GALNT17: variants seen among roughly 807,000 people sequenced by gnomAD.
The protein encoded by GALNT17 is UDP-GalNAc:polypeptide N-acetylgalactosaminyltransferase-like 3.
GALNT17 carries 29 observed loss-of-function variants against 63.7 expected under a neutral mutation model. The ratio of observed to expected loss-of-function variants is 0.46; its 90% CI spans 0.34 to 0.62. The LOEUF (loss-of-function observed/expected upper bound fraction) is 0.62, where lower values mean the gene tolerates loss of function less well. GALNT17 is among the 20% of genes least tolerant of loss of function. GALNT17 has a pLI of 0.01. For missense variants in GALNT17, 603 were observed against 799.6 expected (o/e 0.75, Z 2.97); for synonymous variants, 305 against 318.3 (o/e 0.96, Z 0.45).
intron 5 of GALNT17, among the ~76,000 whole-genome samples, chr7:71,446,674 G>A (rs1203513173): frequency 6.6e-6 from 1 of 152,124 alleles, no homozygotes; most frequent in African/African-American, 2.4e-5. Flanking sequence ...TCGACCTCCA[G>A]AGTAGCTGGG....
At chr7:71,540,227 C>G (rs1788867314) in intron 5 of GALNT17, among the ~76,000 whole-genome samples, 1 of 147,124 alleles carries the variant, frequency 6.8e-6, no homozygotes, top group Non-Finnish European at 1.5e-5. Flanking sequence ...AGTGACTCTC[C>G]CATCTCAGCC....
At chr7:71,442,349 A>G (rs1787083520) in intron 5 of GALNT17, among the ~76,000 whole-genome samples, 1 of 151,980 alleles carries the variant, frequency 6.6e-6, no homozygotes, top group Non-Finnish European at 1.5e-5. Context: ...GGCGCCCGCC[A>G]CCATGCCCGG....
At chr7:71,661,514 G>A (rs149096174) in intron 6 of GALNT17, among the ~76,000 whole-genome samples, 91 of 152,308 alleles carry the variant, frequency 6.0e-4, no homozygotes, top group Non-Finnish European at 9.8e-4. Context: ...AAGAGGTGCC[G>A]CTAATGACAG....
intron 5 of GALNT17, among the ~76,000 whole-genome samples, chr7:71,488,574 C>CGT (rs1787951654): frequency 9.9e-6 from 1 of 100,664 alleles, no homozygotes; most frequent in Non-Finnish European, 2.0e-5. Flanking sequence ...ACTTGCCCTT[C>CGT]TTTTTTTTTT....
intron 1 of GALNT17, among the ~76,000 whole-genome samples, chr7:71,266,185 C>T (rs779114742): frequency 4.3e-5 from 6 of 138,426 alleles, no homozygotes; most frequent in Middle Eastern, 3.7e-3. Context: ...TCAGGCCCAC[C>T]CAGATAAATC....
At chr7:71,650,591 A>T (rs1007615759) in intron 6 of GALNT17, among the ~76,000 whole-genome samples, 2 of 152,188 alleles carry the variant, frequency 1.3e-5, no homozygotes, top group Middle Eastern at 3.2e-3. Flanking sequence ...AGATCACTGT[A>T]TGCAGTCTGA....
chr7:71,514,470 G>A (rs1451507439), intron 5 of GALNT17, among the ~76,000 whole-genome samples: 1 of 151,994 alleles, frequency 6.6e-6, no homozygotes, highest in African/African-American at 2.4e-5. Context: ...TGAGATGTAG[G>A]CACTGAGTCC....
Position 71,592,545 on chromosome 7 carries a change from ATAGCATAGCATAGCATAC to A in GALNT17, c.1080+21146_1080+21163del, listed in dbSNP as rs1250881535. Among the ~76,000 whole-genome samples, 172 of 23,118 alleles carry A rather than the reference ATAGCATAGCATAGCATAC, an allele frequency of 7.4e-3. 2 individuals carry two copies. The Middle Eastern group carries it at 0.11, about 14-fold the overall frequency. 15.2% of individuals were successfully genotyped at this position (23,118 alleles called of 152,430 possible). A position where few individuals can be genotyped will look rare whatever the true frequency, so the allele number is the denominator to read the frequency against. ...ATAAAATAAAATAAAATAAAATAAA[ATAGCATAGCATAGCATAC>A]TAAAATAAAATAAAATAAAATAAAA... On this transcript the variant is annotated intron_variant, in intron 6 of 10. Transcript: ENST00000333538.
chr7:71,238,167 C>G (rs1025142555), intron 1 of GALNT17, among the ~76,000 whole-genome samples: 36 of 152,160 alleles, frequency 2.4e-4, no homozygotes, highest in African/African-American at 8.0e-4. Context: ...AGAGCAGCCA[C>G]ACTCTCTCTC....
At chr7:71,446,049 A>T (rs932565398) in intron 5 of GALNT17, among the ~76,000 whole-genome samples, 2 of 152,226 alleles carry the variant, frequency 1.3e-5, no homozygotes, top group Admixed American at 1.3e-4. Context: ...CTTAAATCTT[A>T]AATTATATGA....
At chr7:71,648,464 C>T (rs1327155032) in intron 6 of GALNT17, among the ~76,000 whole-genome samples, 1 of 152,008 alleles carries the variant, frequency 6.6e-6, no homozygotes, top group Non-Finnish European at 1.5e-5. Flanking sequence ...TTTGTAGAGA[C>T]GGGGTCTTGT....
At chr7:71,387,572 C>T (rs1792969165) in intron 2 of GALNT17, among the ~76,000 whole-genome samples, 1 of 152,108 alleles carries the variant, frequency 6.6e-6, no homozygotes, top group Non-Finnish European at 1.5e-5. Context: ...GCGACGCTCC[C>T]ACGTCGGCCT....
chr7:71,141,025 TAA>T (rs11302399), intron 1 of GALNT17, among the ~76,000 whole-genome samples: 4 of 150,308 alleles, frequency 2.7e-5, no homozygotes, highest in Non-Finnish European at 4.4e-5. Flanking sequence ...ACCCAAACTC[TAA>T]AAAAAAACCC....
chr7:71,192,334 A>G (rs1452008149), intron 1 of GALNT17, among the ~76,000 whole-genome samples: 2 of 151,972 alleles, frequency 1.3e-5, no homozygotes, highest in Non-Finnish European at 2.9e-5. Context: ...AATACTTTGC[A>G]TCCTTCAATC....
At chr7:71,538,143 A>G (rs1329294687) in intron 5 of GALNT17, among the ~76,000 whole-genome samples, 1 of 152,254 alleles carries the variant, frequency 6.6e-6, no homozygotes, top group Non-Finnish European at 1.5e-5. Context: ...GAAAGAGCTC[A>G]GCTGTTAACT....
chr7:71,365,806 G>C (rs1393893193), intron 2 of GALNT17, among the ~76,000 whole-genome samples: 1 of 152,252 alleles, frequency 6.6e-6, no homozygotes, highest in East Asian at 1.9e-4. Context: ...TATGAACTGG[G>C]GGTGAGGGGT....
intron 2 of GALNT17, among the ~76,000 whole-genome samples, chr7:71,339,693 A>G (rs2116116913): frequency 6.6e-6 from 1 of 152,088 alleles, no homozygotes; most frequent in Non-Finnish European, 1.5e-5. Flanking sequence ...CTGTCTCAAA[A>G]AAAAAAAAGG....
At chr7:71,256,498 G>T (rs1240543535) in intron 1 of GALNT17, among the ~76,000 whole-genome samples, 1 of 152,226 alleles carries the variant, frequency 6.6e-6, no homozygotes, top group Non-Finnish European at 1.5e-5. Flanking sequence ...TTGAGCCTGG[G>T]AGGTGGAGGT....
intron 5 of GALNT17, among the ~76,000 whole-genome samples, chr7:71,431,648 G>A (rs188031917): frequency 4.7e-4 from 71 of 152,260 alleles, no homozygotes; most frequent in African/African-American, 1.7e-3. Context: ...GTTCTTACCT[G>A]CTGTTCTGTC....
Sources: gnomAD v4.1 joint callset for allele counts (sites outside exome capture counted in the v4.1 genomes callset) on GRCh38, gnomAD v4.1.1 for gene constraint, MANE v1.5 for transcripts, NCBI Gene and HGNC (gene_info 2026-07-23, HGNC 2026-07-21) for gene names.